Variants in LUZP2 observed in about 807,000 individuals in gnomAD.
LUZP2 encodes leucine zipper protein 2.
A neutral mutation model predicts 51.6 loss-of-function variants in LUZP2; 52 were observed. The ratio of observed to expected loss-of-function variants is 1.01; its 90% CI spans 0.81 to 1.27. LUZP2 has a LOEUF of 1.27. Among genes scored for constraint, LUZP2 ranks in the 50% most tolerant of loss-of-function variants. LUZP2 has a pLI of 0.00. For synonymous variants in LUZP2, 154 were observed against 137.3 expected, an observed-to-expected ratio of 1.12 and a Z score of -0.85; for missense variants, 436 against 395.4, an observed-to-expected ratio of 1.10 and a Z score of -0.87.
intron 1 of LUZP2, among the ~76,000 whole-genome samples, chr11:24,692,594 T>C (rs1056699493): frequency 1.3e-5 from 2 of 152,054 alleles, no homozygotes; most frequent in Non-Finnish European, 2.9e-5. Context: ...CTCTGCAGCA[T>C]ATTTAGTGGC....
intron 1 of LUZP2, among the ~76,000 whole-genome samples, chr11:24,723,516 A>C (rs1402593585): frequency 6.6e-6 from 1 of 152,202 alleles, no homozygotes; most frequent in Non-Finnish European, 1.5e-5. Flanking sequence ...TCACCACTAC[A>C]CTATGCAGTA....
intron 5 of LUZP2, among the ~76,000 whole-genome samples, chr11:24,875,648 T>A (rs1467471363): frequency 6.7e-6 from 1 of 150,232 alleles, no homozygotes; most frequent in Non-Finnish European, 1.5e-5. Context: ...AAATGGTATT[T>A]CTAGTTCTAG....
rs528571857 is a variant in LUZP2 at position 24,568,723 on chromosome 11, A to T, written c.62+71418A>T. On this transcript the variant is annotated intron_variant, in intron 1 of 11. Coordinates refer to ENST00000336930, the MANE Select transcript of LUZP2 (RefSeq NM_001009909.4). ...CTAAGTTATTATGCAAATGTTTCTTAAATTATTAAAAAGAAAGATTTATAA... is the reference window on the plus strand; with the variant it reads ...CTAAGTTATTATGCAAATGTTTCTTTAATTATTAAAAAGAAAGATTTATAA... Among the ~76,000 whole-genome samples the T allele has an allele frequency of 2.0e-5, 3 of 152,190 alleles. No homozygotes were observed. The East Asian group carries it at 5.8e-4, about 29-fold the overall frequency.
At chr11:24,835,048 T>C (rs953281083) in intron 5 of LUZP2, among the ~76,000 whole-genome samples, 2 of 152,066 alleles carry the variant, frequency 1.3e-5, no homozygotes, top group African/African-American at 4.8e-5. Flanking sequence ...GTAGGTTGCC[T>C]GTTCACTCTA....
intron 7 of LUZP2, among the ~76,000 whole-genome samples, chr11:24,962,158 T>C (rs999939591): frequency 2.0e-5 from 3 of 152,124 alleles, no homozygotes; most frequent in African/African-American, 7.2e-5. Flanking sequence ...TAACCCAACC[T>C]TTCTCTCTGG....
At chr11:24,978,080 T>A (rs1216228352) in intron 8 of LUZP2, among the ~76,000 whole-genome samples, 1 of 151,650 alleles carries the variant, frequency 6.6e-6, no homozygotes, top group African/African-American at 2.4e-5. Context: ...GGAAAGGAGC[T>A]TACCTTCTAA....
intron 1 of LUZP2, among the ~76,000 whole-genome samples, chr11:24,587,471 C>T (rs1853109158): frequency 6.6e-6 from 1 of 152,070 alleles, no homozygotes; most frequent in Non-Finnish European, 1.5e-5. Flanking sequence ...GGAAAATTTT[C>T]TTCTTAGCTT....
chr11:24,845,513 T>C (rs1423384334), intron 5 of LUZP2, among the ~76,000 whole-genome samples: 2 of 152,052 alleles, frequency 1.3e-5, no homozygotes, highest in Non-Finnish European at 2.9e-5. Flanking sequence ...CTTTGAAATA[T>C]GAGGACATGA....
intron 1 of LUZP2, among the ~76,000 whole-genome samples, chr11:24,627,442 G>A (rs1247215716): frequency 3.3e-5 from 5 of 152,110 alleles, no homozygotes; most frequent in Non-Finnish European, 7.4e-5. Flanking sequence ...CCCCGGAGTG[G>A]CAAGTCTATT....
At chr11:24,976,758 A>G (rs1342996044) in intron 8 of LUZP2, 93 bp downstream of exon 8, 3 of 641,696 alleles carry the variant, frequency 4.7e-6, no homozygotes, top group African/African-American at 3.9e-5. Flanking sequence ...GCTTTTCTTG[A>G]TTTATTAATG....
intron 5 of LUZP2, among the ~76,000 whole-genome samples, chr11:24,812,531 C>G (rs1386094713): frequency 6.6e-6 from 1 of 152,130 alleles, no homozygotes; most frequent in East Asian, 1.9e-4. Context: ...GCCACTTAAC[C>G]TCTCTTTGCC....
chr11:24,928,704 CT>C (rs1372723735), intron 7 of LUZP2, among the ~76,000 whole-genome samples: 1 of 151,776 alleles, frequency 6.6e-6, no homozygotes, highest in Non-Finnish European at 1.5e-5. Context: ...ATGTTATGTC[CT>C]TTTCTGGTTT....
intron 7 of LUZP2, among the ~76,000 whole-genome samples, chr11:24,921,245 C>T (rs1161594450): frequency 2.6e-5 from 4 of 152,072 alleles, no homozygotes; most frequent in Non-Finnish European, 4.4e-5. Context: ...ACCACATGTG[C>T]GGCAGAAAAG....
In LUZP2 at chr11:24,738,376, TG is replaced by T; in HGVS notation, c.333+76del. 3 of 978,094 alleles carry T rather than the reference TG, an allele frequency of 3.1e-6. 1 individual carries two copies. In the South Asian group the frequency reaches 4.1e-5, roughly 13 times the overall value. The allele number at this position is 978,094 out of a possible 1,614,324, so 60.6% of individuals were successfully genotyped here. ...TTACTTTCTTTTTCCAAAATCACTA[TG>T]GAACAAACACACCTATAAAAAATAA... On this transcript the variant is annotated intron_variant, in intron 4 of 11. Transcript: ENST00000336930.
intron 1 of LUZP2, among the ~76,000 whole-genome samples, chr11:24,536,419 T>C (rs964973215): frequency 1.3e-5 from 2 of 151,898 alleles, no homozygotes; most frequent in Non-Finnish European, 2.9e-5. Context: ...ATCAATGGTC[T>C]TGCTTAGATC....
In LUZP2 at chr11:24,799,000, C is replaced by T. The variant is rs115221691; in HGVS notation, c.396+35692C>T. On this transcript the variant is annotated intron_variant, in intron 5 of 11. Coordinates refer to ENST00000336930, the MANE Select transcript of LUZP2 (RefSeq NM_001009909.4). ...TTTTGAGGCACACAAAATTTACAAG[C>T]TCAGTTTTATTATGGTAGTGGAAGC... Among the ~76,000 whole-genome samples, 235 of 152,190 alleles carry T rather than the reference C, an allele frequency of 1.5e-3. 1 individual carries two copies. Among genetic ancestry groups the T allele is most frequent in the African/African-American group, 5.3e-3 (222 of 41,538 alleles).
intron 5 of LUZP2, among the ~76,000 whole-genome samples, chr11:24,894,621 T>C (rs533214997): frequency 2.7e-4 from 40 of 150,588 alleles, no homozygotes; most frequent in African/African-American, 8.3e-4. Flanking sequence ...CCCTATCTAA[T>C]AGTCCCTGGT....
At chr11:24,843,557 C>T (rs1366203390) in intron 5 of LUZP2, among the ~76,000 whole-genome samples, 1 of 151,938 alleles carries the variant, frequency 6.6e-6, no homozygotes, top group African/African-American at 2.4e-5. Flanking sequence ...TAATATTAAC[C>T]ACAGTGGCAT....
chr11:24,936,561 A>G (rs970149661), intron 7 of LUZP2, among the ~76,000 whole-genome samples: 4 of 151,764 alleles, frequency 2.6e-5, no homozygotes, highest in Non-Finnish European at 5.9e-5. Context: ...TCCTTATACA[A>G]TAATGACTGT....
Sources: gnomAD v4.1 joint callset for allele counts (sites outside exome capture counted in the v4.1 genomes callset) on GRCh38, gnomAD v4.1.1 for gene constraint, MANE v1.5 for transcripts, NCBI Gene and HGNC (gene_info 2026-07-23, HGNC 2026-07-21) for gene names.